The following DGCR2 variants were observed in gnomAD, a reference collection of about 807,000 sequenced individuals.
DGCR2 encodes the protein integral membrane protein DGCR2/IDD.
A neutral mutation model predicts 51.6 loss-of-function variants in DGCR2; 24 were observed. That is an observed-to-expected ratio of 0.47 (90% confidence interval 0.34 to 0.65). The LOEUF (loss-of-function observed/expected upper bound fraction) is 0.65, where lower values mean the gene tolerates loss of function less well. DGCR2 is among the 30% of genes least tolerant of loss of function. The pLI is 0.01. For missense variants in DGCR2, 765 were observed against 772.1 expected (o/e 0.99, Z 0.11); for synonymous variants, 340 against 315.4 (o/e 1.08, Z -0.82).
chr22:19,081,332 CT>C (rs1316824514), intron 2 of DGCR2, among the ~76,000 whole-genome samples: 3 of 152,100 alleles, frequency 2.0e-5, no homozygotes, highest in African/African-American at 7.2e-5. Context: ...TTATTTTTTT[CT>C]TTTAGTTTAC....
intron 1 of DGCR2, among the ~76,000 whole-genome samples, chr22:19,102,643 AG>A (rs1250909330): frequency 6.6e-6 from 1 of 151,852 alleles, no homozygotes; most frequent in Non-Finnish European, 1.5e-5. Flanking sequence ...TGGAGCTTGC[AG>A]TGAGCCAAGA....
chr22:19,095,248 G>C (rs1471414598), intron 1 of DGCR2, among the ~76,000 whole-genome samples: 1 of 152,178 alleles, frequency 6.6e-6, no homozygotes, highest in South Asian at 2.1e-4. Flanking sequence ...TATAATCCCA[G>C]CTATTCAGGA....
intron 2 of DGCR2, among the ~76,000 whole-genome samples, chr22:19,084,646 G>A (rs2082988818): frequency 6.7e-6 from 1 of 148,254 alleles, no homozygotes; most frequent in Admixed American, 6.7e-5. Flanking sequence ...CCGCCCGGCA[G>A]CCACCCCATC....
At chr22:19,045,379 CAGAG>C (rs2146307736) in intron 7 of DGCR2, 1 of 140,230 alleles carries the variant, frequency 7.1e-6, no homozygotes. Context: ...CAAACAAAAA[CAGAG>C]AGATCACCTG....
intron 5 of DGCR2, chr22:19,060,580 A>G (rs1265897414): frequency 5.4e-6 from 1 of 184,496 alleles, no homozygotes; most frequent in Non-Finnish European, 1.2e-5. Context: ...CAGAAGCTAC[A>G]CTGCTGGTGC....
At chr22:19,062,595 G>A (rs2082677275) in intron 5 of DGCR2, among the ~76,000 whole-genome samples, 1 of 152,128 alleles carries the variant, frequency 6.6e-6, no homozygotes, top group Non-Finnish European at 1.5e-5. Flanking sequence ...GGCAGCTGGA[G>A]AAGGCACTGC....
In DGCR2 at chr22:19,122,224, T is replaced by C; in HGVS notation, c.-18A>G. On this transcript the variant is annotated 5_prime_UTR_variant, in exon 1 of 10. Transcript: ENST00000263196. ...GGCACCATTTATCCTCCGTTCATCGTCCCCGGGGCGGCTGGAAGGCCGGAC... is the reference window on the plus strand; with the variant it reads ...GGCACCATTTATCCTCCGTTCATCGCCCCCGGGGCGGCTGGAAGGCCGGAC... 1.3e-6 allele frequency: 2 copies of C among 1,491,654 alleles called. No individual in the cohort carries two copies. The highest frequency in any genetic ancestry group is 1.8e-4 in the Middle Eastern group (1 of 5,564). 92.4% of individuals were successfully genotyped at this position (1,491,654 alleles called of 1,614,324 possible).
At position 19,068,178 on chromosome 22, in the gene DGCR2, G is replaced by A; in HGVS notation, c.250C>T (p.Pro84Ser). 2 of 1,611,490 alleles carry A rather than the reference G, an allele frequency of 1.2e-6. No homozygotes were observed. The highest frequency in any genetic ancestry group is 1.1e-5 in the South Asian group (1 of 90,798). Residue 84 changes from proline (P) to serine (S), a missense_variant, in exon 3 of 10, where the codon CCG becomes TCG. Pro to Ser is a moderately conservative substitution (Grantham distance 74). Transcript: ENST00000263196. ...CCTCCTCTGGCCCGCCCCTGCCGCGGATCCACAGCCTCCTTCCCATGATGA... is the reference window on the plus strand; with the variant it reads ...CCTCCTCTGGCCCGCCCCTGCCGCGAATCCACAGCCTCCTTCCCATGATGA... ...RPHHGKEAVD[P>S]RQGRARGGDP...
intron 2 of DGCR2, among the ~76,000 whole-genome samples, chr22:19,084,658 G>A (rs544542805): frequency 2.7e-5 from 4 of 149,726 alleles, no homozygotes; most frequent in East Asian, 4.0e-4. Flanking sequence ...CACCCCATCC[G>A]GGAGGGAGGT....
intron 2 of DGCR2, among the ~76,000 whole-genome samples, chr22:19,084,706 G>A (rs1310813811): frequency 2.6e-5 from 3 of 114,886 alleles, no homozygotes; most frequent in Non-Finnish European, 6.2e-5. Flanking sequence ...CCCCGTCCGG[G>A]AGGGAGGTGG....
chr22:19,089,739 CCTAG>C (rs2083057864), intron 1 of DGCR2, among the ~76,000 whole-genome samples: 2 of 152,222 alleles, frequency 1.3e-5, no homozygotes, highest in Non-Finnish European at 1.5e-5. Flanking sequence ...TGTCATCATG[CCTAG>C]CTAATTTTTA....
intron 2 of DGCR2, among the ~76,000 whole-genome samples, chr22:19,087,510 T>C (rs2083030397): frequency 6.6e-6 from 1 of 152,122 alleles, no homozygotes. Context: ...CTGCCTCAGC[T>C]GGGATTACAG....
chr22:19,090,169 C>A (rs974343129), intron 1 of DGCR2, among the ~76,000 whole-genome samples: 1 of 152,086 alleles, frequency 6.6e-6, no homozygotes, highest in Non-Finnish European at 1.5e-5. Context: ...AACTAAAACA[C>A]AGAATGAAAA....
intron 1 of DGCR2, among the ~76,000 whole-genome samples, chr22:19,104,383 AGGCTGT>A (rs2083239936): frequency 2.0e-5 from 3 of 152,002 alleles, no homozygotes; most frequent in African/African-American, 7.2e-5. Context: ...CCTTGTTTCA[AGGCTGT>A]CTCAAACTGA....
chr22:19,078,442 T>C (rs2082902802), intron 2 of DGCR2, among the ~76,000 whole-genome samples: 2 of 152,338 alleles, frequency 1.3e-5, no homozygotes, highest in Admixed American at 6.5e-5. Context: ...GCTGAATTCA[T>C]TTATTAGTTC....
At chr22:19,116,096 AT>A (rs2083370778) in intron 1 of DGCR2, among the ~76,000 whole-genome samples, 2 of 152,238 alleles carry the variant, frequency 1.3e-5, no homozygotes, top group Non-Finnish European at 2.9e-5. Flanking sequence ...AGTAGAACAG[AT>A]TGAGCCTAGG....
intron 1 of DGCR2, chr22:19,121,831 G>C (rs2083436006): frequency 9.1e-6 from 2 of 220,216 alleles, no homozygotes; most frequent in Non-Finnish European, 1.8e-5. Context: ...CGACTCCGAC[G>C]CTGGACTGGC....
In DGCR2 at chr22:19,060,857, C is replaced by T. The variant is rs563929684; in HGVS notation, c.625+2345G>A. The T allele has an allele frequency of 1.4e-4, 72 of 516,144 alleles. 2 individuals are homozygous for T. The highest frequency in any genetic ancestry group is 9.7e-4 in the South Asian group (69 of 70,838). 32.0% of individuals were successfully genotyped at this position (516,144 alleles called of 1,614,324 possible). A position where few individuals can be genotyped will look rare whatever the true frequency, so the allele number is the denominator to read the frequency against. On this transcript the variant is annotated intron_variant, in intron 5 of 9. Transcript: ENST00000263196. ...AGCGCTCCACCAAGGCGCACAGGAACCCTGCGGAAACGAGCTCCCAACTTC... is the reference window on the plus strand; with the variant it reads ...AGCGCTCCACCAAGGCGCACAGGAATCCTGCGGAAACGAGCTCCCAACTTC...
At chr22:19,113,440 C>A (rs2083338933) in intron 1 of DGCR2, among the ~76,000 whole-genome samples, 1 of 151,848 alleles carries the variant, frequency 6.6e-6, no homozygotes, top group South Asian at 2.1e-4. Flanking sequence ...CACGTATGCA[C>A]ACACCTCTTG....
Sources: allele counts gnomAD v4.1 joint callset (sites outside exome capture counted in the v4.1 genomes callset), GRCh38; gene constraint gnomAD v4.1.1; transcripts MANE v1.5; gene names NCBI Gene and HGNC (gene_info 2026-07-23, HGNC 2026-07-21).